MEIS1: variants seen among roughly 807,000 people sequenced by gnomAD.
MEIS1 encodes the protein Meis homeobox 1, also known as homeobox protein Meis1.
MEIS1 carries 5 observed loss-of-function variants against 50.8 expected under a neutral mutation model. That is an observed-to-expected ratio of 0.10 (90% CI 0.05 to 0.21). The LOEUF (loss-of-function observed/expected upper bound fraction) is 0.21. Among genes scored for constraint, MEIS1 ranks in the 10% least tolerant of loss-of-function variants. MEIS1 has a pLI of 1.00. For synonymous variants in MEIS1, 176 were observed against 179.3 expected, an observed-to-expected ratio of 0.98 and a Z score of 0.15; for missense variants, 318 against 517.3, an observed-to-expected ratio of 0.61 and a Z score of 3.74.
intron 12 of MEIS1, 84 bp from the exon 13 acceptor site, chr2:66,571,162 T>G: frequency 7.2e-7 from 1 of 1,385,264 alleles, no homozygotes; most frequent in Non-Finnish European, 9.8e-7. Context: ...TTCTCTGGCT[T>G]TTATAGGATT....
At chr2:66,466,031 A>C (rs75421603) in intron 7 of MEIS1, among the ~76,000 whole-genome samples, 2,357 of 152,254 alleles carry the variant, frequency 0.015, 33 homozygotes, top group Non-Finnish European at 0.023. Flanking sequence ...TCCAATACCT[A>C]GTTGTTTTTA....
chr2:66,549,566 C>A (rs1190899126), intron 9 of MEIS1, among the ~76,000 whole-genome samples: 1 of 151,696 alleles, frequency 6.6e-6, no homozygotes, highest in East Asian at 1.9e-4. Flanking sequence ...ATAGGGGAGA[C>A]CATCAATTTT....
chr2:66,503,206 G>A (rs1673598993), intron 7 of MEIS1, among the ~76,000 whole-genome samples: 1 of 152,182 alleles, frequency 6.6e-6, no homozygotes, highest in African/African-American at 2.4e-5. Flanking sequence ...GGACACTCAT[G>A]ACCCCATAGA....
intron 6 of MEIS1, among the ~76,000 whole-genome samples, chr2:66,460,678 G>A (rs535658124): frequency 6.6e-6 from 1 of 152,282 alleles, no homozygotes; most frequent in African/African-American, 2.4e-5. Flanking sequence ...ACAAGTTAGA[G>A]TGTACATTCA....
At chr2:66,473,397 A>AAAAAAATATATATATAT in intron 7 of MEIS1, among the ~76,000 whole-genome samples, 7 of 107,590 alleles carry the variant, frequency 6.5e-5, no homozygotes, top group African/African-American at 4.1e-4. Flanking sequence ...AAAAAAAAAA[A>AAAAAAATATATATATAT]ATATATATAT....
chr2:66,441,023 G>C, intron 4 of MEIS1: 1 of 324,344 alleles, frequency 3.1e-6, no homozygotes, highest in Non-Finnish European at 5.5e-6. Flanking sequence ...GAAGGCAGCA[G>C]AAACTTTGCA....
In MEIS1 at chr2:66,458,282, A is replaced by G. The variant is rs572584022; in HGVS notation, c.631-5827A>G. ...GTGATTTATAAATATTAGGCATCGAATTAAACTTGATGAGGTGGGGAGGAA... is the reference window on the plus strand; with the variant it reads ...GTGATTTATAAATATTAGGCATCGAGTTAAACTTGATGAGGTGGGGAGGAA... On this transcript the variant is annotated intron_variant, in intron 6 of 12. Coordinates refer to ENST00000272369, the MANE Select transcript of MEIS1 (RefSeq NM_002398.3). Among the ~76,000 whole-genome samples the G allele has an allele frequency of 5.3e-5, 8 of 152,332 alleles. No homozygotes were observed. The South Asian group carries it at 1.7e-3, about 32-fold the overall frequency.
chr2:66,485,081 TTATA>T (rs60029625), intron 7 of MEIS1, among the ~76,000 whole-genome samples: 1 of 151,836 alleles, frequency 6.6e-6, no homozygotes, highest in Non-Finnish European at 1.5e-5. Context: ...TATTGTTGGC[TTATA>T]TATATATACA....
At chr2:66,559,730 A>G (rs976763977) in intron 9 of MEIS1, among the ~76,000 whole-genome samples, 2 of 152,050 alleles carry the variant, frequency 1.3e-5, no homozygotes, top group African/African-American at 4.8e-5. Flanking sequence ...TATTTTTTTT[A>G]GCTCCATAAG....
At chr2:66,489,736 G>T (rs1558537006) in intron 7 of MEIS1, among the ~76,000 whole-genome samples, 1 of 152,170 alleles carries the variant, frequency 6.6e-6, no homozygotes, top group Non-Finnish European at 1.5e-5. Flanking sequence ...GAGCCTTATT[G>T]TTTCAGCAAG....
At chr2:66,508,780 A>G (rs774603441) in intron 7 of MEIS1, 38 of 298,100 alleles carry the variant, frequency 1.3e-4, no homozygotes, top group South Asian at 4.7e-4. Context: ...AAGTCGCCCT[A>G]TGGCATTTCC....
At position 66,435,740 on chromosome 2, in the gene MEIS1, G is replaced by C; in HGVS notation, c.-117G>C. 1.2e-6 allele frequency: 1 copy of C among 812,980 alleles called. No individual in the cohort carries two copies. Among genetic ancestry groups the C allele is most frequent in the Non-Finnish European group, 1.8e-6 (1 of 559,634 alleles). The allele number at this position is 812,980 out of a possible 1,614,324, so 50.4% of individuals were successfully genotyped here. A position where few individuals can be genotyped will look rare whatever the true frequency, so the allele number is the denominator to read the frequency against. On this transcript the variant is annotated 5_prime_UTR_variant, in exon 1 of 13. Transcript: ENST00000272369. ...TGGAGACGTTAAGGGATTTTTCGTC[G>C]TGCTTTTTTTTTTTTTTTTTTTTTT... is the stretch of plus-strand genomic sequence containing the variant.
chr2:66,485,114 T>C (rs1006208135), intron 7 of MEIS1, among the ~76,000 whole-genome samples: 7 of 152,168 alleles, frequency 4.6e-5, no homozygotes, highest in African/African-American at 1.4e-4. Context: ...TTTTTATTAA[T>C]ATACTTTAAG....
At chr2:66,520,974 G>A (rs939307437) in intron 8 of MEIS1, among the ~76,000 whole-genome samples, 1 of 152,158 alleles carries the variant, frequency 6.6e-6, no homozygotes, top group African/African-American at 2.4e-5. Context: ...CATTCCACAA[G>A]CTAGCTAATT....
intron 6 of MEIS1, chr2:66,443,529 CCT>C: frequency 6.0e-6 from 1 of 166,720 alleles, no homozygotes; most frequent in Non-Finnish European, 1.3e-5. Context: ...CTATTTTCTC[CCT>C]GTCTGTACGG....
chr2:66,522,023 T>C (rs1674134726), intron 8 of MEIS1, among the ~76,000 whole-genome samples: 1 of 152,236 alleles, frequency 6.6e-6, no homozygotes, highest in Non-Finnish European at 1.5e-5. Flanking sequence ...TGGGTGGGCA[T>C]TTATCTTTGT....
intron 8 of MEIS1, among the ~76,000 whole-genome samples, chr2:66,536,617 C>T (rs867641994): frequency 5.9e-5 from 9 of 152,066 alleles, no homozygotes; most frequent in African/African-American, 2.2e-4. Flanking sequence ...ACTCAGGTGT[C>T]TGAGAGGCCT....
chr2:66,436,866 A>G (rs1278255116), intron 1 of MEIS1: 1 of 880,908 alleles, frequency 1.1e-6, no homozygotes, highest in Non-Finnish European at 1.3e-6. Context: ...AATCAATATG[A>G]AAGTAGTTTT....
chr2:66,530,866 A>G (rs1395681526), intron 8 of MEIS1, among the ~76,000 whole-genome samples: 2 of 152,220 alleles, frequency 1.3e-5, no homozygotes, highest in Non-Finnish European at 2.9e-5. Flanking sequence ...GTTATTGTAC[A>G]TTATCTTTCA....
Sources: allele counts gnomAD v4.1 joint callset (sites outside exome capture counted in the v4.1 genomes callset), GRCh38; gene constraint gnomAD v4.1.1; transcripts MANE v1.5; gene names NCBI Gene and HGNC (gene_info 2026-07-23, HGNC 2026-07-21).